Variants in CDH8 observed in about 807,000 individuals in gnomAD.
The protein encoded by CDH8 is cadherin 8, also known as cadherin-8.
A neutral mutation model predicts 68.1 loss-of-function variants in CDH8; 17 were observed. That is an observed-to-expected ratio of 0.25 (90% CI 0.17 to 0.37). CDH8 has a LOEUF of 0.37. CDH8 is among the 10% of genes least tolerant of loss of function. The probability of loss-of-function intolerance (pLI) is 1.00; values close to 1 mark genes in which losing one functional copy is unlikely to be tolerated. For synonymous variants in CDH8, 372 were observed against 365.1 expected, an observed-to-expected ratio of 1.02 and a Z score of -0.21; for missense variants, 763 against 999.3, an observed-to-expected ratio of 0.76 and a Z score of 3.19.
At chr16:62,010,442 G>A (rs991015004) in intron 2 of CDH8, among the ~76,000 whole-genome samples, 7 of 152,200 alleles carry the variant, frequency 4.6e-5, no homozygotes, top group South Asian at 2.1e-4. Context: ...GCTTCATCAC[G>A]TAATCACTAT....
chr16:61,955,264 C>T (rs1029850684), intron 2 of CDH8, among the ~76,000 whole-genome samples: 2 of 152,192 alleles, frequency 1.3e-5, no homozygotes, highest in African/African-American at 4.8e-5. Context: ...GAACCATAAC[C>T]TAATGGAGGT....
chr16:61,771,692 G>GAT (rs543213944), intron 8 of CDH8, among the ~76,000 whole-genome samples: 148 of 151,720 alleles, frequency 9.8e-4, no homozygotes, highest in African/African-American at 3.4e-3. Flanking sequence ...CATGTCAAGT[G>GAT]ATATATATAT....
chr16:62,014,863 A>G (rs1397685698), intron 2 of CDH8, among the ~76,000 whole-genome samples: 1 of 152,090 alleles, frequency 6.6e-6, no homozygotes, highest in Non-Finnish European at 1.5e-5. Flanking sequence ...AAGAGAGAGG[A>G]TTTAGTATAG....
At chr16:61,761,532 G>A (rs1960469040) in intron 8 of CDH8, among the ~76,000 whole-genome samples, 1 of 152,130 alleles carries the variant, frequency 6.6e-6, no homozygotes, top group Admixed American at 6.6e-5. Flanking sequence ...ATGGTAGGCA[G>A]AGTATAAACC....
chr16:61,858,099 A>C (rs1597022248), intron 3 of CDH8, among the ~76,000 whole-genome samples: 1 of 152,010 alleles, frequency 6.6e-6, no homozygotes, highest in East Asian at 1.9e-4. Flanking sequence ...ATACACACAC[A>C]CACAACAAAT....
At chr16:61,729,117 T>C (rs1350744787) in intron 8 of CDH8, among the ~76,000 whole-genome samples, 1 of 151,150 alleles carries the variant, frequency 6.6e-6, no homozygotes, top group Non-Finnish European at 1.5e-5. Context: ...AAGTAGCTAA[T>C]GGGATCCCCA....
intron 8 of CDH8, among the ~76,000 whole-genome samples, chr16:61,728,257 T>A (rs1959432751): frequency 6.6e-6 from 1 of 150,832 alleles, no homozygotes; most frequent in Non-Finnish European, 1.5e-5. Flanking sequence ...TACTCATTTT[T>A]TTTTTTTGGT....
chr16:61,905,031 G>A (rs758622588), intron 2 of CDH8, among the ~76,000 whole-genome samples: 10 of 152,208 alleles, frequency 6.6e-5, no homozygotes, highest in African/African-American at 9.6e-5. Context: ...AGGTGGATTC[G>A]TTTCATCTGG....
At chr16:61,747,288 T>A (rs1960047426) in intron 8 of CDH8, among the ~76,000 whole-genome samples, 1 of 152,098 alleles carries the variant, frequency 6.6e-6, no homozygotes, top group African/African-American at 2.4e-5. Flanking sequence ...GTGTTGGTTT[T>A]CGATGTACTT....
At chr16:61,949,175 G>A (rs558005801) in intron 2 of CDH8, among the ~76,000 whole-genome samples, 130 of 152,234 alleles carry the variant, frequency 8.5e-4, no homozygotes, top group Non-Finnish European at 1.6e-3. Flanking sequence ...AGGCTTTCTG[G>A]GAAAGGACTC....
intron 4 of CDH8, among the ~76,000 whole-genome samples, chr16:61,835,267 C>T (rs758635458): frequency 6.6e-6 from 1 of 151,854 alleles, no homozygotes; most frequent in Non-Finnish European, 1.5e-5. Context: ...AAATTACTTC[C>T]TTACATGTGA....
intron 2 of CDH8, among the ~76,000 whole-genome samples, chr16:62,020,401 A>C (rs967801840): frequency 6.6e-6 from 1 of 152,088 alleles, no homozygotes; most frequent in Non-Finnish European, 1.5e-5. Flanking sequence ...GTGATTTTGG[A>C]AAGCAGGCAG....
chr16:61,837,353 A>T (rs1308460880), intron 4 of CDH8, among the ~76,000 whole-genome samples: 3 of 152,052 alleles, frequency 2.0e-5, no homozygotes, highest in African/African-American at 7.2e-5. Flanking sequence ...TGTAGTCAAC[A>T]CTTTTCAGCT....
chr16:61,767,306 T>C (rs2142979576), intron 8 of CDH8, among the ~76,000 whole-genome samples: 1 of 152,102 alleles, frequency 6.6e-6, no homozygotes, highest in East Asian at 1.9e-4. Context: ...TGAATATTAG[T>C]TAAGCACATT....
At chr16:61,983,878 TCTTTA>T (rs901463523) in intron 2 of CDH8, among the ~76,000 whole-genome samples, 1 of 144,816 alleles carries the variant, frequency 6.9e-6, no homozygotes, top group Non-Finnish European at 1.5e-5. Context: ...TGGTGTTTCC[TCTTTA>T]TTTTATTTTA....
intron 2 of CDH8, among the ~76,000 whole-genome samples, chr16:61,927,045 T>G (rs1361177098): frequency 6.6e-6 from 1 of 152,192 alleles, no homozygotes; most frequent in Non-Finnish European, 1.5e-5. Flanking sequence ...TTTCTCTCCT[T>G]TTTTCATTTT....
chr16:61,700,506 C>T (rs1373203323), intron 10 of CDH8, among the ~76,000 whole-genome samples: 1 of 152,050 alleles, frequency 6.6e-6, no homozygotes, highest in East Asian at 1.9e-4. Flanking sequence ...GTCTCGATCT[C>T]TTAACCTTGT....
At chr16:62,000,696 C>T (rs1428517224) in intron 2 of CDH8, among the ~76,000 whole-genome samples, 1 of 152,066 alleles carries the variant, frequency 6.6e-6, no homozygotes, top group Non-Finnish European at 1.5e-5. Flanking sequence ...AAAGATAAAG[C>T]CTTTGGCCAA....
intron 8 of CDH8, among the ~76,000 whole-genome samples, chr16:61,739,233 AT>A (rs1474810135): frequency 6.6e-6 from 1 of 152,056 alleles, no homozygotes; most frequent in Non-Finnish European, 1.5e-5. Context: ...AATCTCTTAT[AT>A]TTTAGAACCT....
Sources: allele counts gnomAD v4.1 joint callset (sites outside exome capture counted in the v4.1 genomes callset), GRCh38; gene constraint gnomAD v4.1.1; transcripts MANE v1.5; gene names NCBI Gene and HGNC (gene_info 2026-07-23, HGNC 2026-07-21).